BMI1: variants seen among roughly 807,000 people sequenced by gnomAD.
The protein encoded by BMI1 is polycomb complex protein BMI-1.
Under a neutral mutation model 39.1 loss-of-function variants are expected in BMI1, and 9 were observed. The observed-to-expected ratio is 0.23, with a 90% CI of 0.14 to 0.40. The LOEUF (loss-of-function observed/expected upper bound fraction) is 0.40, where lower values mean the gene tolerates loss of function less well. BMI1 is among the 10% of genes least tolerant of loss of function. BMI1 has a pLI of 1.00. For missense variants in BMI1, 252 were observed against 390.8 expected (o/e 0.64, Z 2.99); for synonymous variants, 131 against 127.9 (o/e 1.02, Z -0.16).
chr10:22,326,193 TC>T, intron 1 of BMI1: 4 of 443,018 alleles, frequency 9.0e-6, no homozygotes, highest in Non-Finnish European at 1.6e-5. Flanking sequence ...CCCCAGACTT[TC>T]TTCTACCTAC....
chr10:22,326,307 T>G, intron 1 of BMI1, 124 bp from the exon 2 acceptor site: 1 of 1,347,344 alleles, frequency 7.4e-7, no homozygotes, highest in Non-Finnish European at 1.0e-6. Flanking sequence ...TGTAGAAACG[T>G]TAGGACAGCC....
intron 1 of BMI1, among the ~76,000 whole-genome samples, chr10:22,324,486 A>T (rs1041394303): frequency 6.6e-6 from 1 of 152,240 alleles, no homozygotes; most frequent in Non-Finnish European, 1.5e-5. Context: ...TAATCCAGAG[A>T]TAACTGAGGA....
In BMI1 at chr10:22,329,912, G is replaced by A. The variant is rs1044988544; in HGVS notation, c.*370G>A. Reference sequence around the variant, plus strand: ...CGCCTACATTACATTCTCCTTGATCGTTCTTGTTATTACGCTGTTTTGTGA... The same window carrying A: ...CGCCTACATTACATTCTCCTTGATCATTCTTGTTATTACGCTGTTTTGTGA... On this transcript the variant is annotated 3_prime_UTR_variant, in exon 10 of 10. Transcript: ENST00000376663. The A allele has an allele frequency of 2.2e-5, 4 of 183,734 alleles. No homozygotes were observed. The highest frequency in any genetic ancestry group is 4.7e-5 in the African/African-American group (2 of 42,142). 11.4% of individuals were successfully genotyped at this position (183,734 alleles called of 1,614,324 possible). A position where few individuals can be genotyped will look rare whatever the true frequency, so the allele number is the denominator to read the frequency against.
rs1835980891 is a variant in BMI1 at position 22,321,171 on chromosome 10, A to ACGCACACACACGGCGCCCCCCGCCCGCC, written c.-541_-514dup. 1.1e-5 allele frequency: 1 copy of ACGCACACACACGGCGCCCCCCGCCCGCC among 95,088 alleles called. No individual in the cohort carries two copies. The highest frequency in any genetic ancestry group is 3.9e-5 in the African/African-American group (1 of 25,402). 5.9% of individuals were successfully genotyped at this position (95,088 alleles called of 1,614,324 possible). On this transcript the variant is annotated 5_prime_UTR_variant, in exon 1 of 10. Coordinates refer to ENST00000376663, the MANE Select transcript of BMI1 (RefSeq NM_005180.9). ...CCCCTCCTCCCCTCCCCCCGCTCGC[A>ACGCACACACACGGCGCCCCCCGCCCGCC]CGCACACACACGGCGCCCCCCGCCC...
intron 1 of BMI1, among the ~76,000 whole-genome samples, chr10:22,325,172 G>A (rs1836103484): frequency 6.6e-6 from 1 of 152,068 alleles, no homozygotes; most frequent in Non-Finnish European, 1.5e-5. Flanking sequence ...ACTTTGTATC[G>A]CTCATTTAAT....
At chr10:22,328,965 G>A in intron 8 of BMI1, 83 bp from the exon 9 acceptor site, 2 of 1,360,476 alleles carry the variant, frequency 1.5e-6, no homozygotes, top group Non-Finnish European at 2.0e-6. Context: ...GTTTCTTAAA[G>A]CACTTTTGGA....
At chr10:22,324,656 AC>A (rs896190135) in intron 1 of BMI1, among the ~76,000 whole-genome samples, 13 of 152,342 alleles carry the variant, frequency 8.5e-5, no homozygotes, top group African/African-American at 2.9e-4. Flanking sequence ...CTGCATTAAT[AC>A]ACCTTAGGAA....
rs774135266 is a variant in BMI1 at position 22,327,761 on chromosome 10, G to A, written c.285G>A (p.Arg95=). The A allele has an allele frequency of 5.0e-6, 8 of 1,613,334 alleles. No homozygotes were observed. The Admixed American group carries it at 1.3e-4, about 27-fold the overall frequency. The change falls in exon 5 of 10, where the codon AGG becomes AGA. Residue 95 remains arginine, a synonymous_variant. Coordinates refer to ENST00000376663, the MANE Select transcript of BMI1 (RefSeq NM_005180.9). ...ATTCAGATGAAATGAAGAGAAGAAG[G>A]GATTTTTATGCAGCTCATCCTTCTG... is the stretch of plus-strand genomic sequence containing the variant. ...GLFKNEMKRR[R]DFYAAHPSAD...
At chr10:22,326,790 C>T (rs900249458) in intron 2 of BMI1, 100 bp from the exon 3 acceptor site, 9 of 1,443,722 alleles carry the variant, frequency 6.2e-6, no homozygotes, top group African/African-American at 2.8e-5. Context: ...GTTGGAAATG[C>T]CTTTCACCAT....
chr10:22,325,653 G>C (rs1461998557), intron 1 of BMI1: 1 of 144,176 alleles, frequency 6.9e-6, no homozygotes, highest in Non-Finnish European at 1.5e-5. Context: ...CCGCCGCCCC[G>C]CACGCCCGCC....
chr10:22,326,680 C>A, intron 2 of BMI1, 119 bp downstream of exon 2: 1 of 1,471,066 alleles, frequency 6.8e-7, no homozygotes, highest in Non-Finnish European at 9.1e-7. Context: ...GTGGTGAAGG[C>A]ATTTTCTTCT....
intron 1 of BMI1, among the ~76,000 whole-genome samples, chr10:22,323,926 A>G (rs577109611): frequency 6.8e-4 from 103 of 152,374 alleles, no homozygotes; most frequent in African/African-American, 2.3e-3. Flanking sequence ...GCATAAAAAC[A>G]TAACTGATTT....
chr10:22,325,959 G>C (rs940723855), intron 1 of BMI1: 3 of 152,292 alleles, frequency 2.0e-5, no homozygotes, highest in African/African-American at 7.2e-5. Context: ...GCGTAAAAAC[G>C]TGCCAGGTTC....
downstream of BMI1, chr10:22,331,547 G>A (rs548024984): frequency 3.0e-4 from 46 of 152,138 alleles, no homozygotes; most frequent in African/African-American, 1.0e-3. Context: ...ACAAAGAAAA[G>A]TTAATGGAAG....
intron 1 of BMI1, among the ~76,000 whole-genome samples, chr10:22,323,137 C>T (rs1836051089): frequency 6.6e-6 from 1 of 152,172 alleles, no homozygotes; most frequent in Admixed American, 6.5e-5. Flanking sequence ...TTATAAGCTA[C>T]ACTAAACAGT....
In BMI1 at chr10:22,321,157, C is replaced by CT. The variant is rs1182139755; in HGVS notation, c.-558dup. The stretch of plus-strand genomic sequence containing the variant: ...TCCACCCTCCCCTCCCCCTCCTCCC[C>CT]TCCCCCCGCTCGCACGCACACACAC... On this transcript the variant is annotated 5_prime_UTR_variant, in exon 1 of 10. Transcript: ENST00000376663. 2 of 150,436 alleles carry CT rather than the reference C, an allele frequency of 1.3e-5. No homozygotes were observed. The highest frequency in any genetic ancestry group is 6.6e-5 in the Admixed American group (1 of 15,208). The allele number at this position is 150,436 out of a possible 1,614,324, so 9.3% of individuals were successfully genotyped here.
intron 1 of BMI1, among the ~76,000 whole-genome samples, chr10:22,324,280 C>G (rs1030145799): frequency 6.6e-6 from 1 of 152,182 alleles, no homozygotes; most frequent in Non-Finnish European, 1.5e-5. Flanking sequence ...GAAATATCAG[C>G]TTGCTATCTT....
In BMI1 at chr10:22,328,072, G is replaced by A; in HGVS notation, c.425+14G>A. On this transcript the variant is annotated intron_variant, in intron 6 of 9. Transcript: ENST00000376663. The stretch of plus-strand genomic sequence containing the variant: ...TGACCAGAACAGGTAAAATCTTTAG[G>A]CAATTTATTTTATGCTAATGTTTTA... The A allele has an allele frequency of 6.3e-7, 1 of 1,595,002 alleles. No homozygotes were observed. Among genetic ancestry groups the A allele is most frequent in the Non-Finnish European group, 8.5e-7 (1 of 1,174,482 alleles).
At chr10:22,325,439 C>A (rs1405572780) in intron 1 of BMI1, among the ~76,000 whole-genome samples, 1 of 152,168 alleles carries the variant, frequency 6.6e-6, no homozygotes, top group East Asian at 1.9e-4. Context: ...GTGCGGTTTG[C>A]ATTTTCCTTT....
Sources: gnomAD v4.1 joint callset for allele counts (sites outside exome capture counted in the v4.1 genomes callset) on GRCh38, gnomAD v4.1.1 for gene constraint, MANE v1.5 for transcripts, NCBI Gene and HGNC (gene_info 2026-07-23, HGNC 2026-07-21) for gene names.